The following NCALD variants were observed in gnomAD, a reference collection of about 807,000 sequenced individuals.
NCALD encodes the protein neurocalcin delta.
In NCALD, 10 loss-of-function variants were observed where a neutral mutation model predicts 18.6. The observed-to-expected ratio is 0.54, with a 90% CI of 0.33 to 0.91. The LOEUF (loss-of-function observed/expected upper bound fraction) is 0.91, where lower values mean the gene tolerates loss of function less well. Ranked by LOEUF, NCALD falls within the 40% of genes least tolerant of loss-of-function variation. The probability of loss-of-function intolerance (pLI) is 0.03; values close to 1 mark genes in which losing one functional copy is unlikely to be tolerated. For missense variants in NCALD, 184 were observed against 247.6 expected (o/e 0.74, Z 1.72); for synonymous variants, 88 against 87.4 (o/e 1.01, Z -0.04).
At chr8:102,048,645 A>G (rs1436915264) in intron 1 of NCALD, among the ~76,000 whole-genome samples, 3 of 152,216 alleles carry the variant, frequency 2.0e-5, no homozygotes, top group African/African-American at 7.2e-5. Flanking sequence ...TATACATGAC[A>G]TGTATATGTG....
chr8:101,917,602 A>AAG (rs149087754), intron 2 of NCALD, among the ~76,000 whole-genome samples: 31,010 of 151,736 alleles, frequency 0.2, 5,162 homozygotes, highest in African/African-American at 0.46. Context: ...TAACAAAAAA[A>AAG]AAGATACAAA....
rs370637023 is a variant in NCALD at position 102,073,144 on chromosome 8, A to ACC, written c.-210+51091_-210+51092dup. On this transcript the variant is annotated intron_variant, in intron 1 of 6. Coordinates refer to the NCALD transcript ENST00000311028. ...ATATTGCAAAGTTATTTTTTAAATC[A>ACC]CCCTTTTATAGCTGGGCATGGTGGC... 7.9e-5 allele frequency among the ~76,000 whole-genome samples: 12 copies of ACC among 152,268 alleles called. No homozygotes were observed. The East Asian group carries it at 2.1e-3, about 27-fold the overall frequency.
chr8:101,744,151 T>C (rs1474894918), intron 1 of NCALD, among the ~76,000 whole-genome samples: 1 of 152,146 alleles, frequency 6.6e-6, no homozygotes. Context: ...GCTCCTACCA[T>C]CTTTGGCATT....
At chr8:102,086,357 G>A (rs551007382) in intron 1 of NCALD, among the ~76,000 whole-genome samples, 40 of 152,172 alleles carry the variant, frequency 2.6e-4, no homozygotes, top group Non-Finnish European at 5.3e-4. Flanking sequence ...AAACAAACCT[G>A]TAGAACAGAG....
chr8:101,925,588 C>T (rs1038077052), intron 2 of NCALD, among the ~76,000 whole-genome samples: 4 of 152,104 alleles, frequency 2.6e-5, no homozygotes, highest in Non-Finnish European at 5.9e-5. Flanking sequence ...GGCTGTCTCA[C>T]AGACACATTA....
chr8:101,787,664 G>A (rs1459563561), intron 1 of NCALD, among the ~76,000 whole-genome samples: 2 of 152,100 alleles, frequency 1.3e-5, no homozygotes, highest in South Asian at 2.1e-4. Context: ...AATACCCCCT[G>A]TATTGGTCTT....
chr8:101,940,361 T>C (rs539315027), intron 2 of NCALD, among the ~76,000 whole-genome samples: 15 of 152,194 alleles, frequency 9.9e-5, no homozygotes, highest in Non-Finnish European at 1.3e-4. Context: ...GACACCCTTA[T>C]GTGGACATAT....
chr8:101,968,625 T>C (rs1481068557), intron 2 of NCALD, among the ~76,000 whole-genome samples: 2 of 152,110 alleles, frequency 1.3e-5, no homozygotes, highest in African/African-American at 4.8e-5. Context: ...GCCTGCACTG[T>C]TATGGCCCAG....
chr8:102,110,830 T>C (rs1231371056), intron 1 of NCALD, among the ~76,000 whole-genome samples: 1 of 152,196 alleles, frequency 6.6e-6, no homozygotes, highest in African/African-American at 2.4e-5. Flanking sequence ...TAATAAAATG[T>C]TGACCAAATG....
intron 1 of NCALD, among the ~76,000 whole-genome samples, chr8:101,770,515 G>A (rs953731681): frequency 4.6e-5 from 7 of 152,130 alleles, no homozygotes; most frequent in African/African-American, 1.7e-4. Context: ...GATTGACTAT[G>A]CAAACTCCTG....
At chr8:101,856,272 C>T (rs892606027) in intron 4 of NCALD, among the ~76,000 whole-genome samples, 4 of 152,104 alleles carry the variant, frequency 2.6e-5, no homozygotes, top group Non-Finnish European at 5.9e-5. Context: ...CCCAGGCTCA[C>T]GTAAATTCTC....
At chr8:101,704,056 A>T (rs1052392421) in intron 2 of NCALD, among the ~76,000 whole-genome samples, 1 of 152,206 alleles carries the variant, frequency 6.6e-6, no homozygotes, top group African/African-American at 2.4e-5. Context: ...GTCTGGCCTC[A>T]GTAGTGGGAA....
intron 2 of NCALD, among the ~76,000 whole-genome samples, chr8:101,923,343 C>A (rs1818231280): frequency 6.6e-6 from 1 of 152,208 alleles, no homozygotes; most frequent in African/African-American, 2.4e-5. Context: ...CTATCTCACT[C>A]CCAGGAGGCA....
intron 1 of NCALD, chr8:101,780,004 C>A (rs1056846648): frequency 6.6e-6 from 1 of 152,012 alleles, no homozygotes; most frequent in African/African-American, 2.4e-5. Flanking sequence ...TAAAATTAAA[C>A]GTAATGCTTT....
chr8:101,741,949 A>AG (rs1454662383), intron 1 of NCALD, among the ~76,000 whole-genome samples: 19 of 96,004 alleles, frequency 2.0e-4, no homozygotes, highest in East Asian at 9.3e-4. Flanking sequence ...AAAAAAAAAA[A>AG]AAAAGAAAAG....
chr8:101,704,694 G>C (rs1815424802), intron 2 of NCALD, among the ~76,000 whole-genome samples: 1 of 146,978 alleles, frequency 6.8e-6, no homozygotes, highest in Non-Finnish European at 1.5e-5. Flanking sequence ...AGGCAGGCGG[G>C]ATCAGCTGAG....
Position 101,719,284 on chromosome 8 carries a change from T to TA in NCALD, c.345dup (p.Ile116TyrfsTer15). Reference sequence around the variant, plus strand: ...ATCTCTAGCATCTCTGCCTTGCTGATATAGCCATTTCCGTCCAGGTCGTAC... The same window carrying TA: ...ATCTCTAGCATCTCTGCCTTGCTGATAATAGCCATTTCCGTCCAGGTCGTAC... On this transcript the variant is annotated frameshift_variant, in exon 2 of 4. Transcript: ENST00000220931. LOFTEE classifies it high-confidence loss of function. The TA allele has an allele frequency of 1.2e-6, 2 of 1,614,178 alleles. No individual in the cohort carries two copies. The highest frequency in any genetic ancestry group is 1.7e-6 in the Non-Finnish European group (2 of 1,180,016).
chr8:101,737,392 C>T (rs1809970654), intron 1 of NCALD, among the ~76,000 whole-genome samples: 1 of 152,204 alleles, frequency 6.6e-6, no homozygotes, highest in South Asian at 2.1e-4. Flanking sequence ...ATATTAACTG[C>T]TCAGCCTCTT....
At chr8:102,092,876 T>G (rs747201624) in intron 1 of NCALD, among the ~76,000 whole-genome samples, 3 of 152,248 alleles carry the variant, frequency 2.0e-5, no homozygotes, top group African/African-American at 4.8e-5. Flanking sequence ...GAATTCTTTA[T>G]GTCTTCAAGC....
Sources: gnomAD v4.1 joint callset for allele counts (sites outside exome capture counted in the v4.1 genomes callset) on GRCh38, gnomAD v4.1.1 for gene constraint, MANE v1.5 for transcripts, NCBI Gene and HGNC (gene_info 2026-07-23, HGNC 2026-07-21) for gene names.